The following ARB2A variants were observed in gnomAD, a reference collection of about 807,000 sequenced individuals.
ARB2A encodes ARB2 cotranscriptional regulator A.
chr5:93,769,856 G>A, the ARB2A span, among the ~76,000 whole-genome samples: 1 of 152,054 alleles, frequency 6.6e-6, no homozygotes, highest in Non-Finnish European at 1.5e-5. Flanking sequence ...TTCTGATTTA[G>A]GCCAAATTTG....
At chr5:93,986,876 G>A in the ARB2A span, among the ~76,000 whole-genome samples, 2 of 152,036 alleles carry the variant, frequency 1.3e-5, no homozygotes, top group Non-Finnish European at 2.9e-5. Flanking sequence ...CACAAACACT[G>A]CAGAAGGCCG....
chr5:94,053,541 A>T, the ARB2A span, among the ~76,000 whole-genome samples: 3 of 152,184 alleles, frequency 2.0e-5, no homozygotes, highest in African/African-American at 7.2e-5. Context: ...AGTTTCAGAC[A>T]TTAATATGAC....
the ARB2A span, among the ~76,000 whole-genome samples, chr5:94,079,285 G>A: frequency 6.6e-6 from 1 of 152,072 alleles, no homozygotes. Flanking sequence ...ACCTTCATTT[G>A]CCTAAGGAAG....
At chr5:93,678,062 G>T in the ARB2A span, among the ~76,000 whole-genome samples, 1 of 152,152 alleles carries the variant, frequency 6.6e-6, no homozygotes, top group African/African-American at 2.4e-5. Context: ...GCCATTCCTA[G>T]AAATAATCCC....
At chr5:93,800,383 A>T in the ARB2A span, among the ~76,000 whole-genome samples, 2 of 62,552 alleles carry the variant, frequency 3.2e-5, no homozygotes, top group Non-Finnish European at 7.3e-5. Flanking sequence ...GCATATTTTC[A>T]CACACACACA....
chr5:93,908,005 T>C, the ARB2A span, among the ~76,000 whole-genome samples: 1 of 151,154 alleles, frequency 6.6e-6, no homozygotes, highest in African/African-American at 2.4e-5. Context: ...ATTCCAGAAA[T>C]GGTATATTTT....
chr5:93,831,245 C>T, the ARB2A span, among the ~76,000 whole-genome samples: 2 of 148,720 alleles, frequency 1.3e-5, no homozygotes, highest in African/African-American at 5.0e-5. Flanking sequence ...TCCCTTTACT[C>T]TGTTGCCAGA....
At chr5:93,877,324 C>T in the ARB2A span, among the ~76,000 whole-genome samples, 3 of 152,088 alleles carry the variant, frequency 2.0e-5, no homozygotes, top group Non-Finnish European at 4.4e-5. Context: ...ACTGACCTTC[C>T]TTGATTTAGT....
chr5:93,964,321 C>T, the ARB2A span: 198 of 590,012 alleles, frequency 3.4e-4, 1 homozygote, highest in Non-Finnish European at 2.6e-4. Context: ...AAAATTATCG[C>T]TATCAACACA....
chr5:94,087,928 T>C, the ARB2A span, among the ~76,000 whole-genome samples: 200 of 152,326 alleles, frequency 1.3e-3, 2 homozygotes, highest in Non-Finnish European at 1.6e-3. Context: ...GTACACTCTA[T>C]GCTGTTCGCA....
chr5:93,933,807 T>TA, the ARB2A span, among the ~76,000 whole-genome samples: 1 of 151,536 alleles, frequency 6.6e-6, no homozygotes, highest in Non-Finnish European at 1.5e-5. Flanking sequence ...ATAATAATAA[T>TA]AAAAAAAGAA....
the ARB2A span, among the ~76,000 whole-genome samples, chr5:93,995,430 G>A: frequency 6.6e-6 from 1 of 152,190 alleles, no homozygotes; most frequent in Non-Finnish European, 1.5e-5. Context: ...AAGAAGCAGA[G>A]AAGTCATAAC....
At chr5:93,665,071 C>A in the ARB2A span, among the ~76,000 whole-genome samples, 3 of 152,292 alleles carry the variant, frequency 2.0e-5, no homozygotes, top group Non-Finnish European at 4.4e-5. Context: ...AAGTAACCTG[C>A]CTGTCTTGGC....
At chr5:94,109,498 G>C in the ARB2A span, among the ~76,000 whole-genome samples, 1 of 152,164 alleles carries the variant, frequency 6.6e-6, no homozygotes, top group Non-Finnish European at 1.5e-5. Flanking sequence ...GCTCAATGAA[G>C]AGCACAGAAA....
the ARB2A span, among the ~76,000 whole-genome samples, chr5:93,847,809 A>G: frequency 6.6e-6 from 1 of 152,194 alleles, no homozygotes; most frequent in Non-Finnish European, 1.5e-5. Context: ...AAAATAGCTA[A>G]TTAGTGCAAT....
the ARB2A span, among the ~76,000 whole-genome samples, chr5:93,780,748 C>T: frequency 2.0e-5 from 3 of 151,986 alleles, no homozygotes; most frequent in South Asian, 2.1e-4. Flanking sequence ...TCAGTAGAGA[C>T]GAGGTTTCAC....
the ARB2A span, among the ~76,000 whole-genome samples, chr5:94,039,561 T>C: frequency 6.6e-6 from 1 of 152,156 alleles, no homozygotes; most frequent in African/African-American, 2.4e-5. Context: ...GAAATAACCA[T>C]AAAAATGGGC....
the ARB2A span, among the ~76,000 whole-genome samples, chr5:93,950,943 C>CAA: frequency 1.3e-4 from 10 of 79,258 alleles, no homozygotes; most frequent in African/African-American, 4.1e-4. Flanking sequence ...GACTCTGTCT[C>CAA]AAAAAAAAAA....
At chr5:93,715,614 T>A in the ARB2A span, among the ~76,000 whole-genome samples, 1 of 152,036 alleles carries the variant, frequency 6.6e-6, no homozygotes, top group African/African-American at 2.4e-5. Context: ...CAGTGGCACT[T>A]TCTTCTTTGC....
Sources: gnomAD v4.1 joint callset for allele counts (sites outside exome capture counted in the v4.1 genomes callset) on GRCh38, gnomAD v4.1.1 for gene constraint, MANE v1.5 for transcripts, NCBI Gene and HGNC (gene_info 2026-07-23, HGNC 2026-07-21) for gene names.